Variants in OR2L13 observed in about 807,000 individuals in gnomAD.
OR2L13 encodes the protein olfactory receptor 2L13.
OR2L13 carries 14 observed loss-of-function variants against 15.3 expected under a neutral mutation model. The observed-to-expected ratio is 0.91, with a 90% CI of 0.60 to 1.43. OR2L13 has a LOEUF of 1.43. Ranked by LOEUF, OR2L13 falls within the 40% of genes most tolerant of loss-of-function variation. OR2L13 has a pLI of 0.00. For missense variants in OR2L13, 367 were observed against 387.9 expected (o/e 0.95, Z 0.45); for synonymous variants, 152 against 142.9 (o/e 1.06, Z -0.45).
At chr1:247,949,489 T>G in the OR2L13 span, 8 of 1,612,900 alleles carry the variant, frequency 5.0e-6, no homozygotes, top group Non-Finnish European at 6.8e-6. Flanking sequence ...TTTCCCTTCA[T>G]TGGTATTTCA....
At chr1:248,093,938 T>C (rs2103192447), upstream of OR2L13, among the ~76,000 whole-genome samples, 1 of 152,214 alleles carries the variant, frequency 6.6e-6, no homozygotes, top group South Asian at 2.1e-4. Flanking sequence ...GAGTGGGGAA[T>C]AAACTGGAGA....
the OR2L13 span, chr1:248,062,709 A>T: frequency 2.0e-5 from 3 of 152,338 alleles, no homozygotes; most frequent in African/African-American, 7.2e-5. Context: ...TATTGTATGT[A>T]TTAAAGAATA....
At chr1:248,070,338 A>G in the OR2L13 span, among the ~76,000 whole-genome samples, 1 of 151,998 alleles carries the variant, frequency 6.6e-6, no homozygotes, top group African/African-American at 2.4e-5. Context: ...AAACCACTCA[A>G]CTACATGGAA....
chr1:247,991,704 T>C, the OR2L13 span, among the ~76,000 whole-genome samples: 22 of 149,692 alleles, frequency 1.5e-4, 3 homozygotes, highest in African/African-American at 5.0e-4. Flanking sequence ...CACAATTTTA[T>C]TTCTACTTAC....
the OR2L13 span, among the ~76,000 whole-genome samples, chr1:248,049,692 T>C: frequency 2.0e-5 from 3 of 152,222 alleles, 1 homozygote; most frequent in Admixed American, 6.5e-5. Flanking sequence ...ACATTTCTTA[T>C]ACTTTCTCAA....
At chr1:248,070,359 C>T in the OR2L13 span, among the ~76,000 whole-genome samples, 2 of 151,634 alleles carry the variant, frequency 1.3e-5, no homozygotes, top group Non-Finnish European at 1.5e-5. Context: ...ACTGAACAAC[C>T]TGCTCCTGAA....
chr1:247,947,015 A>G, the OR2L13 span, among the ~76,000 whole-genome samples: 65 of 152,056 alleles, frequency 4.3e-4, no homozygotes, highest in Non-Finnish European at 7.6e-4. Flanking sequence ...TCATTTTTCT[A>G]TCTTCCCTAA....
the OR2L13 span, chr1:248,023,701 G>A: frequency 4.6e-5 from 7 of 152,232 alleles, no homozygotes; most frequent in South Asian, 1.4e-3. Context: ...TGCCTAGAAG[G>A]ATCAACATTA....
chr1:248,083,649 G>A, the OR2L13 span: 557 of 1,487,396 alleles, frequency 3.7e-4, 1 homozygote, highest in Non-Finnish European at 3.0e-4. Context: ...TGACCTGTGG[G>A]CCTCATTTTG....
At chr1:247,956,612 C>T in the OR2L13 span, among the ~76,000 whole-genome samples, 29 of 151,526 alleles carry the variant, frequency 1.9e-4, no homozygotes, top group African/African-American at 6.0e-4. Context: ...TATCCTCTTT[C>T]ATTTCATTGA....
chr1:248,048,536 A>G, the OR2L13 span, among the ~76,000 whole-genome samples: 1 of 152,040 alleles, frequency 6.6e-6, no homozygotes, highest in Non-Finnish European at 1.5e-5. Context: ...GACATTCTAG[A>G]CAAGTGTTGT....
chr1:248,033,503 C>G, the OR2L13 span, among the ~76,000 whole-genome samples: 8 of 151,770 alleles, frequency 5.3e-5, no homozygotes, highest in Non-Finnish European at 1.0e-4. Flanking sequence ...GTGGTGTGAT[C>G]TTGGCTCACT....
chr1:248,052,961 T>G, the OR2L13 span, among the ~76,000 whole-genome samples: 1 of 152,146 alleles, frequency 6.6e-6, no homozygotes, highest in Non-Finnish European at 1.5e-5. Context: ...TATTGTTTGT[T>G]TTTAAGTTCC....
the OR2L13 span, chr1:247,966,463 A>C: frequency 1.1e-6 from 1 of 944,696 alleles, no homozygotes; most frequent in Non-Finnish European, 1.5e-6. Flanking sequence ...AAAGCAATAG[A>C]ATTCAGGCTT....
chr1:247,955,941 A>T, the OR2L13 span, among the ~76,000 whole-genome samples: 18 of 149,928 alleles, frequency 1.2e-4, no homozygotes, highest in African/African-American at 4.1e-4. Flanking sequence ...GAAGCTCTTT[A>T]GTTTAATTAG....
chr1:248,057,090 G>A, the OR2L13 span, among the ~76,000 whole-genome samples: 1 of 152,064 alleles, frequency 6.6e-6, no homozygotes, highest in African/African-American at 2.4e-5. Context: ...GTGCCATAAG[G>A]TGCCAAGACA....
At chr1:248,054,676 C>A in the OR2L13 span, among the ~76,000 whole-genome samples, 4 of 152,054 alleles carry the variant, frequency 2.6e-5, no homozygotes, top group African/African-American at 9.7e-5. Flanking sequence ...TAGCTGTATT[C>A]CCAGGTATTT....
chr1:248,099,552 C>T (rs769412783), exon 3 of OR2L13: 1 of 1,614,128 alleles, frequency 6.2e-7, no homozygotes, highest in Non-Finnish European at 8.5e-7. Context: ...CACCGATGTA[C>T]TTTCTTCTCA....
the OR2L13 span, among the ~76,000 whole-genome samples, chr1:247,955,465 G>A: frequency 6.6e-6 from 1 of 151,886 alleles, no homozygotes; most frequent in Non-Finnish European, 1.5e-5. Context: ...TATATACCCA[G>A]TAATGCGATG....
Sources: allele counts gnomAD v4.1 joint callset (sites outside exome capture counted in the v4.1 genomes callset), GRCh38; gene constraint gnomAD v4.1.1; transcripts MANE v1.5; gene names NCBI Gene and HGNC (gene_info 2026-07-23, HGNC 2026-07-21).